Variants in RALGPS1 observed in about 807,000 individuals in gnomAD.
RALGPS1 encodes the protein Ral GEF with PH domain and SH3 binding motif 1.
A neutral mutation model predicts 78.8 loss-of-function variants in RALGPS1; 19 were observed. The ratio of observed to expected loss-of-function variants is 0.24; its 90% CI spans 0.17 to 0.35. The LOEUF is 0.35. Among genes scored for constraint, RALGPS1 ranks in the 10% least tolerant of loss-of-function variants. The probability of loss-of-function intolerance (pLI) is 1.00; values close to 1 mark genes in which losing one functional copy is unlikely to be tolerated. For synonymous variants in RALGPS1, 228 were observed against 256.3 expected (o/e 0.89, Z 1.06); for missense variants, 454 against 688.3 (o/e 0.66, Z 3.81).
intron 3 of RALGPS1, among the ~76,000 whole-genome samples, chr9:126,976,308 C>T (rs1320045531): frequency 9.7e-6 from 1 of 103,180 alleles, no homozygotes; most frequent in Non-Finnish European, 2.5e-5. Flanking sequence ...ACTCAACACT[C>T]ATTCTCACAC....
intron 11 of RALGPS1, among the ~76,000 whole-genome samples, chr9:127,194,353 A>G (rs1291200858): frequency 6.6e-6 from 1 of 152,200 alleles, no homozygotes; most frequent in Non-Finnish European, 1.5e-5. Context: ...TAATGAGTAC[A>G]TAGAGACCAG....
intron 4 of RALGPS1, among the ~76,000 whole-genome samples, chr9:127,003,278 G>A (rs1008755480): frequency 9.2e-5 from 14 of 152,018 alleles, no homozygotes; most frequent in South Asian, 2.1e-4. Context: ...CCTACAAAAT[G>A]GGAGAAAATT....
At chr9:127,189,942 G>A (rs1301714558) in intron 11 of RALGPS1, among the ~76,000 whole-genome samples, 2 of 152,224 alleles carry the variant, frequency 1.3e-5, no homozygotes, top group Admixed American at 6.5e-5. Flanking sequence ...CACAGAGTAG[G>A]TGGCCACTAT....
At chr9:127,199,174 G>A in intron 14 of RALGPS1, 108 bp downstream of exon 14, 1 of 1,019,280 alleles carries the variant, frequency 9.8e-7, no homozygotes, top group Non-Finnish European at 1.6e-6. Context: ...CACCCCATGA[G>A]GCTGCTCTGT....
intron 1 of RALGPS1, among the ~76,000 whole-genome samples, chr9:126,952,654 A>AGTGTGTGTGTGTGTGT (rs1392225698): frequency 0.013 from 1,804 of 137,630 alleles, 23 homozygotes; most frequent in East Asian, 0.028. Context: ...AGAGAGAGAG[A>AGTGTGTGTGTGTGTGT]GAGTGTGTGT....
At chr9:127,190,651 T>C (rs2060975160) in intron 11 of RALGPS1, among the ~76,000 whole-genome samples, 1 of 152,250 alleles carries the variant, frequency 6.6e-6, no homozygotes, top group Non-Finnish European at 1.5e-5. Context: ...CCCTACTGAT[T>C]GGCATGTAGC....
intron 8 of RALGPS1, among the ~76,000 whole-genome samples, chr9:127,131,155 C>T (rs1465049966): frequency 2.0e-5 from 3 of 152,168 alleles, no homozygotes; most frequent in African/African-American, 7.2e-5. Context: ...GCCCTGTAAG[C>T]CCCAGGCAGC....
rs1554816818 is a variant in RALGPS1 at position 127,071,039 on chromosome 9, C to CTCTATA, written c.610+1684_610+1685insCTATAT. On this transcript the variant is annotated intron_variant, in intron 8 of 18. Transcript: ENST00000259351. ...TAAATTTGAATCTCTCTCTCTCTCTCTATATATATATACACTAAATACTAA... is the reference window on the plus strand; with the variant it reads ...TAAATTTGAATCTCTCTCTCTCTCTCTCTATATATATATATATACACTAAATACTAA... Among the ~76,000 whole-genome samples, 122 of 147,394 alleles carry CTCTATA rather than the reference C, an allele frequency of 8.3e-4. 1 individual carries two copies. The highest frequency in any genetic ancestry group is 2.8e-3 in the African/African-American group (113 of 40,086).
intron 8 of RALGPS1, among the ~76,000 whole-genome samples, chr9:127,150,909 C>T (rs2058378979): frequency 6.6e-6 from 1 of 152,146 alleles, no homozygotes; most frequent in Admixed American, 6.5e-5. Flanking sequence ...CAGGGCTGGG[C>T]TCGGTGGCTC....
intron 18 of RALGPS1, among the ~76,000 whole-genome samples, chr9:127,216,598 A>T (rs1423360294): frequency 6.6e-6 from 1 of 152,248 alleles, no homozygotes; most frequent in East Asian, 1.9e-4. Context: ...CTAAGATGAT[A>T]CACAAGAAAT....
intron 8 of RALGPS1, chr9:127,094,044 C>T (rs2052819084): frequency 2.2e-5 from 26 of 1,158,294 alleles, no homozygotes; most frequent in Non-Finnish European, 2.8e-5. Flanking sequence ...CACAGGCCCA[C>T]GGTCTGAGGT....
At chr9:127,199,919 T>TGCACACTCACATATACACAC (rs368020623) in intron 14 of RALGPS1, among the ~76,000 whole-genome samples, 7,080 of 151,758 alleles carry the variant, frequency 0.047, 242 homozygotes, top group Non-Finnish European at 0.07. Context: ...CACGTACACA[T>TGCACACTCACATATACACAC]GCACACTCAC....
intron 1 of RALGPS1, among the ~76,000 whole-genome samples, chr9:126,938,528 G>A (rs940432149): frequency 6.6e-6 from 1 of 152,174 alleles, no homozygotes; most frequent in Admixed American, 6.5e-5. Flanking sequence ...AGAAAGGCAT[G>A]GAGGAATGTG....
At position 126,951,426 on chromosome 9, in the gene RALGPS1, A is replaced by G. The variant is rs553407739; in HGVS notation, c.-65-10799A>G. Among the ~76,000 whole-genome samples the G allele has an allele frequency of 2.4e-4, 36 of 151,758 alleles. 1 individual carries two copies. In the South Asian group the frequency reaches 7.6e-3, roughly 32 times the overall value. The stretch of plus-strand genomic sequence containing the variant: ...TCGATGCAAAAATCCTCAATAAAAT[A>G]CTGGCAAACCGAATCCAGCAGCACA... On this transcript the variant is annotated intron_variant, in intron 1 of 18. Transcript: ENST00000259351.
intron 4 of RALGPS1, among the ~76,000 whole-genome samples, chr9:127,032,185 T>C (rs1006390210): frequency 6.6e-6 from 1 of 152,168 alleles, no homozygotes; most frequent in Non-Finnish European, 1.5e-5. Context: ...AAATATAGTA[T>C]CATACCCACT....
Position 126,952,116 on chromosome 9 carries a change from G to T in RALGPS1, c.-65-10109G>T, listed in dbSNP as rs556739622. On this transcript the variant is annotated intron_variant, in intron 1 of 18. Transcript: ENST00000259351. Reference sequence around the variant, plus strand: ...TAGGAATCCAACTTACAAGGGACGTGAAGGACCTCTTCAGTCTCCCAAGTT... The same window carrying T: ...TAGGAATCCAACTTACAAGGGACGTTAAGGACCTCTTCAGTCTCCCAAGTT... Among the ~76,000 whole-genome samples the T allele has an allele frequency of 9.8e-5, 15 of 152,350 alleles. No homozygotes were observed. In the South Asian group the frequency reaches 2.1e-3, roughly 21 times the overall value.
At chr9:127,195,403 A>G (rs2061303290) in intron 12 of RALGPS1, among the ~76,000 whole-genome samples, 186 bp downstream of exon 12, 1 of 152,146 alleles carries the variant, frequency 6.6e-6, no homozygotes, top group African/African-American at 2.4e-5. Context: ...GGAGGAGCTG[A>G]GGGGCACTGT....
chr9:126,934,282 T>C (rs1318883154), intron 1 of RALGPS1, among the ~76,000 whole-genome samples: 1 of 152,184 alleles, frequency 6.6e-6, no homozygotes, highest in Non-Finnish European at 1.5e-5. Context: ...TCAATGTAAA[T>C]TGAATTATTT....
chr9:127,167,991 C>T (rs1054385192), intron 9 of RALGPS1, among the ~76,000 whole-genome samples: 1 of 152,254 alleles, frequency 6.6e-6, no homozygotes, highest in Non-Finnish European at 1.5e-5. Flanking sequence ...CTCTGCCCTT[C>T]TCAGCAATGC....
Sources: gnomAD v4.1 joint callset for allele counts (sites outside exome capture counted in the v4.1 genomes callset) on GRCh38, gnomAD v4.1.1 for gene constraint, MANE v1.5 for transcripts, NCBI Gene and HGNC (gene_info 2026-07-23, HGNC 2026-07-21) for gene names.